The following NPEPPS variants were observed in gnomAD, a reference collection of about 807,000 sequenced individuals.
The protein encoded by NPEPPS is puromycin-sensitive aminopeptidase.
In NPEPPS, 14 loss-of-function variants were observed where a neutral mutation model predicts 115.5. That is an observed-to-expected ratio of 0.12 (90% CI 0.08 to 0.19). The LOEUF (loss-of-function observed/expected upper bound fraction) is 0.19, where lower values mean the gene tolerates loss of function less well. NPEPPS is among the 10% of genes least tolerant of loss of function. NPEPPS has a pLI of 1.00. For synonymous variants in NPEPPS, 285 were observed against 390.6 expected, an observed-to-expected ratio of 0.73 and a Z score of 3.19; for missense variants, 523 against 1,110.8, an observed-to-expected ratio of 0.47 and a Z score of 7.52.
intron 12 of NPEPPS, 87 bp from the exon 13 acceptor site, chr17:47,596,266 T>C: frequency 1.3e-6 from 1 of 761,014 alleles, no homozygotes; most frequent in South Asian, 2.1e-5. Context: ...GAATTAGCAG[T>C]GTAGTGTCAA....
chr17:47,610,769 A>T (rs1366339342), intron 17 of NPEPPS, among the ~76,000 whole-genome samples: 2 of 151,714 alleles, frequency 1.3e-5, no homozygotes, highest in Non-Finnish European at 2.9e-5. Context: ...ACATTTGTAT[A>T]CAAGTTTTTG....
At chr17:47,571,492 G>T (rs2143808786) in intron 3 of NPEPPS, among the ~76,000 whole-genome samples, 1 of 152,324 alleles carries the variant, frequency 6.6e-6, no homozygotes, top group East Asian at 1.9e-4. Flanking sequence ...GCCGAGGCGG[G>T]TGGATCACGA....
chr17:47,619,528 T>C (rs899267255), intron 21 of NPEPPS: 25 of 557,718 alleles, frequency 4.5e-5, no homozygotes, highest in South Asian at 2.9e-4. Flanking sequence ...CACTCCAGCC[T>C]GGGCAACAAG....
chr17:47,584,867 G>A (rs530371849), intron 5 of NPEPPS, among the ~76,000 whole-genome samples: 4 of 151,984 alleles, frequency 2.6e-5, no homozygotes, highest in South Asian at 4.2e-4. Context: ...TCGCTGTGTC[G>A]CCCAGGCTGG....
At chr17:47,538,666 A>G (rs1345512534) in intron 1 of NPEPPS, among the ~76,000 whole-genome samples, 1 of 150,702 alleles carries the variant, frequency 6.6e-6, no homozygotes, top group Non-Finnish European at 1.5e-5. Flanking sequence ...AGTAGCTGGG[A>G]CTACAGGCAC....
chr17:47,578,746 G>A (rs958478099), intron 3 of NPEPPS, among the ~76,000 whole-genome samples: 38 of 151,640 alleles, frequency 2.5e-4, no homozygotes, highest in African/African-American at 9.0e-4. Flanking sequence ...CAAATCATTG[G>A]TCTTCCCTAT....
intron 18 of NPEPPS, 110 bp from the exon 19 acceptor site, chr17:47,613,559 A>C: frequency 1.1e-6 from 1 of 895,732 alleles, no homozygotes; most frequent in Non-Finnish European, 1.8e-6. Flanking sequence ...GAGTCACCGC[A>C]GCCGGCCAAC....
At chr17:47,524,911 G>GT (rs1371848192) in intron 1 of NPEPPS, among the ~76,000 whole-genome samples, 1 of 147,540 alleles carries the variant, frequency 6.8e-6, no homozygotes, top group Non-Finnish European at 1.5e-5. Context: ...CCAAATCTTT[G>GT]TTAACTTTTT....
chr17:47,572,042 C>T (rs145356352), intron 3 of NPEPPS, among the ~76,000 whole-genome samples: 4 of 151,672 alleles, frequency 2.6e-5, no homozygotes, highest in Non-Finnish European at 5.9e-5. Context: ...AGTGAGCGGG[C>T]AGCCACTCTC....
At chr17:47,535,317 A>C (rs1390189989) in intron 1 of NPEPPS, among the ~76,000 whole-genome samples, 21 of 144,466 alleles carry the variant, frequency 1.5e-4, no homozygotes, top group East Asian at 1.3e-3. Context: ...TTTGGGAGGC[A>C]GAGGCGGGCA....
rs754973654 is a variant in NPEPPS, at chr17:47,612,544, G to A, written c.2180G>A (p.Arg727His). ...AAGGCAACGTTAGAAGAAGCCCGTCGTCGGTTTAAGGACCACGTGGAAGGA... is the reference window on the plus strand; with the variant it reads ...AAGGCAACGTTAGAAGAAGCCCGTCATCGGTTTAAGGACCACGTGGAAGGA... ...GHKATLEEAR[R>H]RFKDHVEGKQ... is the part of the protein sequence containing the mutation. The change falls in exon 18 of 23, where the codon CGT becomes CAT. Residue 727 changes from arginine (R) to histidine (H), a missense_variant. By Grantham distance (29) the Arg-to-His change is conservative. Coordinates refer to ENST00000322157, the MANE Select transcript of NPEPPS (RefSeq NM_006310.4). 5 of 1,613,790 alleles carry A rather than the reference G, an allele frequency of 3.1e-6. No individual in the cohort carries two copies. Among genetic ancestry groups the A allele is most frequent in the African/African-American group, 1.3e-5 (1 of 74,894 alleles).
At chr17:47,550,988 A>G (rs1597827656) in intron 2 of NPEPPS, among the ~76,000 whole-genome samples, 1 of 152,298 alleles carries the variant, frequency 6.6e-6, no homozygotes, top group South Asian at 2.1e-4. Context: ...TGTGCCAACT[A>G]CACATCAAGA....
At chr17:47,536,388 C>CTCT (rs1555601888) in intron 1 of NPEPPS, among the ~76,000 whole-genome samples, 2 of 69,942 alleles carry the variant, frequency 2.9e-5, no homozygotes, top group Non-Finnish European at 5.9e-5. Context: ...TATTTTCTCT[C>CTCT]TTTTTTTTTT....
At position 47,536,788 on chromosome 17, in the gene NPEPPS, C is replaced by T. The variant is rs1468843850; in HGVS notation, c.255+5233C>T. On this transcript the variant is annotated intron_variant, in intron 1 of 22. Transcript: ENST00000322157. ...GTGCAATGGCGCGATCTCGGCTCAC[C>T]GCAACCTCTGCCTCCCAGGCTCAAG... 3.4e-5 allele frequency among the ~76,000 whole-genome samples: 5 copies of T among 149,138 alleles called. 1 individual carries two copies. The highest frequency in any genetic ancestry group is 4.2e-4 in the South Asian group (2 of 4,738).
At chr17:47,576,444 A>G (rs886200555) in intron 3 of NPEPPS, among the ~76,000 whole-genome samples, 1 of 152,216 alleles carries the variant, frequency 6.6e-6, no homozygotes, top group African/African-American at 2.4e-5. Flanking sequence ...GTGAGCCGAG[A>G]TTGCACCACT....
intron 2 of NPEPPS, among the ~76,000 whole-genome samples, chr17:47,555,981 C>CTTTTTT (rs886460288): frequency 3.2e-5 from 2 of 63,056 alleles, no homozygotes; most frequent in African/African-American, 5.6e-5. Context: ...TTCTGTTTTA[C>CTTTTTT]TTTTTTTTTT....
At chr17:47,610,071 T>C (rs778370244) in intron 17 of NPEPPS, among the ~76,000 whole-genome samples, 1 of 152,270 alleles carries the variant, frequency 6.6e-6, no homozygotes, top group Non-Finnish European at 1.5e-5. Flanking sequence ...CCTTTTAAAG[T>C]ATACAATTCA....
intron 12 of NPEPPS, among the ~76,000 whole-genome samples, chr17:47,593,090 A>C (rs945116736): frequency 6.6e-6 from 1 of 152,232 alleles, no homozygotes; most frequent in African/African-American, 2.4e-5. Flanking sequence ...TAGTAAGTAT[A>C]ATGCAAATAT....
At chr17:47,542,921 G>A (rs1197363606) in intron 1 of NPEPPS, among the ~76,000 whole-genome samples, 1 of 151,942 alleles carries the variant, frequency 6.6e-6, no homozygotes, top group Non-Finnish European at 1.5e-5. Context: ...GGCGAATCAC[G>A]AGGTCAGGAG....
Sources: gnomAD v4.1 joint callset for allele counts (sites outside exome capture counted in the v4.1 genomes callset) on GRCh38, gnomAD v4.1.1 for gene constraint, MANE v1.5 for transcripts, NCBI Gene and HGNC (gene_info 2026-07-23, HGNC 2026-07-21) for gene names.